Variants in TNNI3K observed in about 807,000 individuals in gnomAD.
TNNI3K encodes TNNI3 interacting kinase.
A neutral mutation model predicts 114.5 loss-of-function variants in TNNI3K; 140 were observed. The observed-to-expected ratio is 1.22, with a 90% CI of 1.07 to 1.41. The LOEUF (loss-of-function observed/expected upper bound fraction) is 1.41. TNNI3K is among the 40% of genes most tolerant of loss of function. TNNI3K has a pLI of 0.00. For missense variants in TNNI3K, 1,125 were observed against 1,007.6 expected, an observed-to-expected ratio of 1.12 and a Z score of -1.58; for synonymous variants, 347 against 347.5, an observed-to-expected ratio of 1.00 and a Z score of 0.02.
At chr1:74,369,732 T>C (rs1662494805) in intron 16 of TNNI3K, 147 bp downstream of exon 16, 1 of 878,478 alleles carries the variant, frequency 1.1e-6, no homozygotes, top group Non-Finnish European at 1.6e-6. Context: ...TCGCTAATAA[T>C]TTATGCCTAA....
chr1:74,452,898 CTT>C (rs759206110), intron 20 of TNNI3K, among the ~76,000 whole-genome samples: 1 of 152,260 alleles, frequency 6.6e-6, no homozygotes, highest in African/African-American at 2.4e-5. Flanking sequence ...ACATTAGTCT[CTT>C]TGTCAGAGAC....
intron 9 of TNNI3K, among the ~76,000 whole-genome samples, chr1:74,352,355 G>C (rs1349248389): frequency 2.0e-5 from 3 of 152,154 alleles, no homozygotes; most frequent in Admixed American, 6.5e-5. Context: ...GTACCCAGCC[G>C]TGTGAGGTGT....
At chr1:74,504,413 C>T (rs191644964) in intron 23 of TNNI3K, among the ~76,000 whole-genome samples, 2 of 152,218 alleles carry the variant, frequency 1.3e-5, no homozygotes, top group Non-Finnish European at 2.9e-5. Flanking sequence ...AGACTTCACG[C>T]CGAACAAAGG....
At chr1:74,284,639 G>GC (rs1277371954) in intron 5 of TNNI3K, among the ~76,000 whole-genome samples, 3 of 152,182 alleles carry the variant, frequency 2.0e-5, no homozygotes, top group Admixed American at 6.5e-5. Context: ...GTAGCCCCTT[G>GC]CTGCATCTTT....
At chr1:74,419,612 G>C (rs1178099068) in intron 17 of TNNI3K, among the ~76,000 whole-genome samples, 1 of 151,760 alleles carries the variant, frequency 6.6e-6, no homozygotes, top group African/African-American at 2.4e-5. Flanking sequence ...GTTTTTCTTT[G>C]GTGCTTCAAA....
At position 74,266,740 on chromosome 1, in the gene TNNI3K, G is replaced by T. The variant is rs368163993; in HGVS notation, c.334-4858G>T. Among the ~76,000 whole-genome samples, 6 of 152,050 alleles carry T rather than the reference G, an allele frequency of 3.9e-5. No homozygotes were observed. The South Asian group carries it at 1.2e-3, about 32-fold the overall frequency. ...GTTGCTTATCTTGGCTTTATCCATA[G>T]CAATAATCACAGAGCTAACAATAAG... On this transcript the variant is annotated intron_variant, in intron 4 of 24. Coordinates refer to ENST00000326637, the MANE Select transcript of TNNI3K (RefSeq NM_015978.3).
intron 17 of TNNI3K, among the ~76,000 whole-genome samples, chr1:74,386,946 T>C (rs1214092709): frequency 2.6e-5 from 4 of 152,188 alleles, no homozygotes; most frequent in Non-Finnish European, 2.9e-5. Context: ...GGATATGTAC[T>C]CATTGTCAAG....
At chr1:74,370,139 G>T in intron 16 of TNNI3K, 149 bp from the exon 17 acceptor site, 1 of 541,562 alleles carries the variant, frequency 1.8e-6, no homozygotes, top group South Asian at 3.5e-5. Flanking sequence ...ATGTAGGAAA[G>T]CTATTCAGAT....
chr1:74,532,922 G>C (rs981307060), intron 23 of TNNI3K, among the ~76,000 whole-genome samples: 3 of 152,062 alleles, frequency 2.0e-5, no homozygotes, highest in Non-Finnish European at 4.4e-5. Context: ...ATTCAAGATG[G>C]ATTAAAGACT....
intron 5 of TNNI3K, among the ~76,000 whole-genome samples, chr1:74,290,609 T>C (rs1657619312): frequency 6.6e-6 from 1 of 151,850 alleles, no homozygotes; most frequent in African/African-American, 2.4e-5. Flanking sequence ...CATGACATTG[T>C]ACAAGATTAT....
At chr1:74,247,116 G>A (rs1200697672) in intron 2 of TNNI3K, among the ~76,000 whole-genome samples, 5 of 152,220 alleles carry the variant, frequency 3.3e-5, no homozygotes, top group East Asian at 1.9e-4. Flanking sequence ...GACCCTCGCA[G>A]TGAGTGTTCA....
chr1:74,305,516 A>G (rs1244414584), intron 5 of TNNI3K, among the ~76,000 whole-genome samples: 1 of 152,200 alleles, frequency 6.6e-6, no homozygotes, highest in African/African-American at 2.4e-5. Flanking sequence ...GTGCTCTTAT[A>G]CTTGCAAAGC....
chr1:74,523,512 T>G (rs2100419764), intron 23 of TNNI3K, among the ~76,000 whole-genome samples: 1 of 151,520 alleles, frequency 6.6e-6, no homozygotes, highest in Non-Finnish European at 1.5e-5. Flanking sequence ...GAGACTCACT[T>G]AAAAAAAAAG....
At chr1:74,526,154 A>T (rs1646502025) in intron 23 of TNNI3K, among the ~76,000 whole-genome samples, 1 of 152,232 alleles carries the variant, frequency 6.6e-6, no homozygotes. Flanking sequence ...AGGGAGTTTT[A>T]AAACCTTCCC....
chr1:74,457,793 T>G (rs1667288610), intron 20 of TNNI3K, among the ~76,000 whole-genome samples: 1 of 152,190 alleles, frequency 6.6e-6, no homozygotes, highest in Non-Finnish European at 1.5e-5. Flanking sequence ...AAGTGGGGTA[T>G]AGATAATTAA....
chr1:74,397,034 G>A (rs1263285099), intron 17 of TNNI3K, among the ~76,000 whole-genome samples: 2 of 152,166 alleles, frequency 1.3e-5, no homozygotes, highest in Non-Finnish European at 2.9e-5. Context: ...CCTGAAGGCA[G>A]GGGAAAGCCA....
chr1:74,413,014 G>T (rs538520195), intron 17 of TNNI3K, among the ~76,000 whole-genome samples: 11 of 152,214 alleles, frequency 7.2e-5, no homozygotes, highest in Non-Finnish European at 1.0e-4. Context: ...GATAGTCATT[G>T]TGGGTAGAAA....
intron 2 of TNNI3K, among the ~76,000 whole-genome samples, chr1:74,244,555 C>T (rs1654440124): frequency 6.6e-6 from 1 of 150,628 alleles, no homozygotes; most frequent in East Asian, 1.9e-4. Context: ...CTGTTTATTC[C>T]ATGTTCATTT....
chr1:74,295,950 A>G (rs1051824855), intron 5 of TNNI3K, among the ~76,000 whole-genome samples: 1 of 151,980 alleles, frequency 6.6e-6, no homozygotes, highest in African/African-American at 2.4e-5. Flanking sequence ...CTGAGTGGTC[A>G]CCTTAGAGAT....
Sources: gnomAD v4.1 joint callset for allele counts (sites outside exome capture counted in the v4.1 genomes callset) on GRCh38, gnomAD v4.1.1 for gene constraint, MANE v1.5 for transcripts, NCBI Gene and HGNC (gene_info 2026-07-23, HGNC 2026-07-21) for gene names.